The following SLC9A9 variants were observed in gnomAD, a reference collection of about 807,000 sequenced individuals.
SLC9A9 encodes sodium/hydrogen exchanger 9.
Under a neutral mutation model 77.8 loss-of-function variants are expected in SLC9A9, and 62 were observed. The observed-to-expected ratio is 0.80, with a 90% CI of 0.65 to 0.98. The LOEUF (loss-of-function observed/expected upper bound fraction) is 0.98. SLC9A9 is among the 50% of genes least tolerant of loss of function. The pLI is 0.00. For synonymous variants in SLC9A9, 320 were observed against 283.5 expected (o/e 1.13, Z -1.29); for missense variants, 775 against 774.9 (o/e 1.00, Z 0.00).
intron 14 of SLC9A9, among the ~76,000 whole-genome samples, chr3:143,270,094 G>C (rs1366283508): frequency 6.6e-6 from 1 of 152,214 alleles, no homozygotes; most frequent in African/African-American, 2.4e-5. Flanking sequence ...CGAGGAGAGT[G>C]ACTGGGAAGA....
chr3:143,721,248 C>T (rs1934491328), intron 4 of SLC9A9, among the ~76,000 whole-genome samples: 1 of 152,236 alleles, frequency 6.6e-6, no homozygotes, highest in African/African-American at 2.4e-5. Flanking sequence ...TAAAGAAGTC[C>T]CCTCTTTAAG....
chr3:143,844,323 G>C (rs1425508551), intron 1 of SLC9A9, among the ~76,000 whole-genome samples: 2 of 145,344 alleles, frequency 1.4e-5, no homozygotes, highest in Non-Finnish European at 3.0e-5. Flanking sequence ...TTTTAAATTG[G>C]ACTCTCAGGT....
At chr3:143,542,486 A>T (rs4839600) in intron 9 of SLC9A9, among the ~76,000 whole-genome samples, 1 of 151,994 alleles carries the variant, frequency 6.6e-6, no homozygotes, top group Non-Finnish European at 1.5e-5. Context: ...TGGGATGGAA[A>T]GTGACTGCTT....
chr3:143,437,159 C>T (rs1013451733), intron 12 of SLC9A9, among the ~76,000 whole-genome samples: 1 of 152,358 alleles, frequency 6.6e-6, no homozygotes, highest in African/African-American at 2.4e-5. Flanking sequence ...CAGTGGGTGC[C>T]CCATAGCAGG....
intron 4 of SLC9A9, among the ~76,000 whole-genome samples, chr3:143,722,956 C>T (rs1176169912): frequency 6.6e-6 from 1 of 152,160 alleles, no homozygotes; most frequent in African/African-American, 2.4e-5. Flanking sequence ...TCCCATATCA[C>T]CAGTTGTAAC....
At chr3:143,735,465 C>T (rs745583246) in intron 4 of SLC9A9, among the ~76,000 whole-genome samples, 1 of 152,084 alleles carries the variant, frequency 6.6e-6, no homozygotes, top group Non-Finnish European at 1.5e-5. Flanking sequence ...GAGATGAAGT[C>T]TTTTTTCATG....
At chr3:143,482,182 G>A (rs925606561) in intron 11 of SLC9A9, among the ~76,000 whole-genome samples, 1 of 152,062 alleles carries the variant, frequency 6.6e-6, no homozygotes, top group Non-Finnish European at 1.5e-5. Context: ...AAAAATACAT[G>A]TTCATGAAAA....
chr3:143,381,908 C>T (rs2033312388), intron 13 of SLC9A9, 152 bp downstream of exon 13: 2 of 884,216 alleles, frequency 2.3e-6, no homozygotes, highest in Non-Finnish European at 3.7e-6. Context: ...CCCTGAATTC[C>T]CTTGTATTTT....
chr3:143,372,369 T>G (rs926623571), intron 13 of SLC9A9, among the ~76,000 whole-genome samples: 8 of 152,032 alleles, frequency 5.3e-5, no homozygotes, highest in African/African-American at 1.9e-4. Context: ...AGTAGATACA[T>G]AGACCAATGG....
intron 14 of SLC9A9, among the ~76,000 whole-genome samples, chr3:143,276,077 T>A (rs1345707487): frequency 6.6e-6 from 1 of 152,136 alleles, no homozygotes; most frequent in African/African-American, 2.4e-5. Flanking sequence ...TGCTCAATTC[T>A]AATTCCTCCA....
chr3:143,541,889 A>G (rs1253046796), intron 9 of SLC9A9, among the ~76,000 whole-genome samples: 1 of 152,264 alleles, frequency 6.6e-6, no homozygotes, highest in Non-Finnish European at 1.5e-5. Context: ...GCTTTGTCAG[A>G]TAAAAAATTT....
chr3:143,588,951 T>C (rs938422880), intron 6 of SLC9A9, among the ~76,000 whole-genome samples: 8 of 152,174 alleles, frequency 5.3e-5, no homozygotes, highest in Non-Finnish European at 1.2e-4. Context: ...AATGCTGTCA[T>C]ATGCGAAATT....
chr3:143,647,563 G>A (rs566551089), intron 6 of SLC9A9, among the ~76,000 whole-genome samples: 3 of 152,120 alleles, frequency 2.0e-5, no homozygotes, highest in African/African-American at 7.2e-5. Flanking sequence ...TGCCTATATC[G>A]TGATCCTACA....
At chr3:143,786,793 T>C in intron 4 of SLC9A9, among the ~76,000 whole-genome samples, 1 of 152,162 alleles carries the variant, frequency 6.6e-6, no homozygotes, top group East Asian at 1.9e-4. Context: ...AGAGAGTAAA[T>C]GAATGCACAG....
At chr3:143,697,711 CA>C (rs1377416722) in intron 4 of SLC9A9, among the ~76,000 whole-genome samples, 5 of 148,334 alleles carry the variant, frequency 3.4e-5, no homozygotes, top group East Asian at 4.0e-4. Flanking sequence ...CACACACACA[CA>C]CACCCCACAT....
At chr3:143,388,845 C>T (rs2033489223) in intron 12 of SLC9A9, among the ~76,000 whole-genome samples, 1 of 152,144 alleles carries the variant, frequency 6.6e-6, no homozygotes, top group African/African-American at 2.4e-5. Context: ...ATTATTTGAA[C>T]ACACCAACAA....
rs556072282 is a variant in SLC9A9 at position 143,385,144 on chromosome 3, C to CT, written c.1470-3031dup. On this transcript the variant is annotated intron_variant, in intron 12 of 15. Coordinates refer to ENST00000316549, the MANE Select transcript of SLC9A9 (RefSeq NM_173653.4). ...ACGTTAAATGGTCCCTGACTACTGT[C>CT]TTTTTTTTTCAAATTATTGTATCTG... 9.7e-4 allele frequency among the ~76,000 whole-genome samples: 146 copies of CT among 150,972 alleles called. 1 individual carries two copies. Among genetic ancestry groups the CT allele is most frequent in the African/African-American group, 3.1e-3 (126 of 41,104 alleles).
In SLC9A9 at chr3:143,775,820, C is replaced by CT. The variant is rs367846496; in HGVS notation, c.533+19180dup. 5.7e-4 allele frequency among the ~76,000 whole-genome samples: 87 copies of CT among 152,228 alleles called. No individual in the cohort carries two copies. The East Asian group carries it at 0.014, about 24-fold the overall frequency. ...TTCACATCTGCTTATTGGAACAGAC[C>CT]TTTTTTTAAAGTTCCAACTTTTCTT... is the stretch of plus-strand genomic sequence containing the variant. On this transcript the variant is annotated intron_variant, in intron 4 of 15. Transcript: ENST00000316549.
intron 13 of SLC9A9, among the ~76,000 whole-genome samples, chr3:143,374,634 C>CA (rs2033139525): frequency 6.6e-6 from 1 of 151,314 alleles, no homozygotes; most frequent in South Asian, 2.1e-4. Context: ...AATTATTTTT[C>CA]AAAACAATTT....
Sources: allele counts gnomAD v4.1 joint callset (sites outside exome capture counted in the v4.1 genomes callset), GRCh38; gene constraint gnomAD v4.1.1; transcripts MANE v1.5; gene names NCBI Gene and HGNC (gene_info 2026-07-23, HGNC 2026-07-21).